Variants in PAFAH2 observed in about 807,000 individuals in gnomAD.
PAFAH2 encodes the protein platelet activating factor acetylhydrolase 2, also known as platelet-activating factor acetylhydrolase 2, cytoplasmic.
Under a neutral mutation model 49.0 loss-of-function variants are expected in PAFAH2, and 42 were observed. The ratio of observed to expected loss-of-function variants is 0.86; its 90% CI spans 0.67 to 1.11. The LOEUF is 1.11. Among genes scored for constraint, PAFAH2 ranks in the 50% least tolerant of loss-of-function variants. The probability of loss-of-function intolerance (pLI) is 0.00; values close to 1 mark genes in which losing one functional copy is unlikely to be tolerated. For synonymous variants in PAFAH2, 184 were observed against 181.3 expected (o/e 1.01, Z -0.12); for missense variants, 503 against 501.8 (o/e 1.00, Z -0.02).
chr1:25,997,477 G>C (rs924015330), intron 1 of PAFAH2: 1 of 152,218 alleles, frequency 6.6e-6, no homozygotes, highest in Non-Finnish European at 1.5e-5. Flanking sequence ...AGTCATCTCC[G>C]TTTTAGAGAG....
At chr1:25,969,149 T>C (rs531958011) in intron 10 of PAFAH2, among the ~76,000 whole-genome samples, 3 of 152,168 alleles carry the variant, frequency 2.0e-5, no homozygotes, top group Non-Finnish European at 4.4e-5. Context: ...CTTTCAACAA[T>C]TCACTCTCCT....
At chr1:25,965,932 CAAAAA>C (rs1444178547) in intron 10 of PAFAH2, among the ~76,000 whole-genome samples, 3 of 137,794 alleles carry the variant, frequency 2.2e-5, no homozygotes, top group African/African-American at 8.0e-5. Context: ...AAACTGGACT[CAAAAA>C]AAGAAAAAAG....
At chr1:25,964,389 C>G (rs1365333415) in intron 10 of PAFAH2, 2 of 152,056 alleles carry the variant, frequency 1.3e-5, no homozygotes, top group East Asian at 3.8e-4. Flanking sequence ...TTTCAGGATA[C>G]AAAGTTGGTG....
In PAFAH2 at chr1:25,989,441, C is replaced by A. The variant is rs751862119; in HGVS notation, c.244+7G>T. 1 of 1,589,488 alleles carries A rather than the reference C, an allele frequency of 6.3e-7. No individual in the cohort carries two copies. The highest frequency in any genetic ancestry group is 8.6e-7 in the Non-Finnish European group (1 of 1,167,760). On this transcript the variant is annotated splice_region_variant and intron_variant, in intron 3 of 10. Coordinates refer to ENST00000374282, the MANE Select transcript of PAFAH2 (RefSeq NM_000437.4). Reference sequence around the variant, plus strand: ...GGAAAGCATGCAGAGGTCAGGCCAGCCCTTACCCACCGCCAGGTTGAACAG... The same window carrying A: ...GGAAAGCATGCAGAGGTCAGGCCAGACCTTACCCACCGCCAGGTTGAACAG...
chr1:25,996,335 G>A (rs1342818339), intron 1 of PAFAH2, among the ~76,000 whole-genome samples: 1 of 152,106 alleles, frequency 6.6e-6, no homozygotes, highest in Non-Finnish European at 1.5e-5. Flanking sequence ...ACTGCACTTC[G>A]GCCTGGGTGA....
chr1:25,988,889 T>C (rs562118338), intron 3 of PAFAH2, among the ~76,000 whole-genome samples: 2 of 147,910 alleles, frequency 1.4e-5, no homozygotes, highest in African/African-American at 5.0e-5. Context: ...CGGGGTAAAC[T>C]GCTGAGATGC....
Position 25,960,177 on chromosome 1 carries a change from G to A in PAFAH2, c.*1812C>T, listed in dbSNP as rs1167210918. 1.3e-5 allele frequency: 2 copies of A among 152,212 alleles called. No homozygotes were observed. Among genetic ancestry groups the A allele is most frequent in the African/African-American group, 2.4e-5 (1 of 41,444 alleles). The allele number at this position is 152,212 out of a possible 1,614,324, so 9.4% of individuals were successfully genotyped here. Reference sequence around the variant, plus strand: ...ATACCCTTCTTATGCTATGTCTCATGGGAATTCAAAGATCCTCCCTCACAG... The same window carrying A: ...ATACCCTTCTTATGCTATGTCTCATAGGAATTCAAAGATCCTCCCTCACAG... On this transcript the variant is annotated 3_prime_UTR_variant, in exon 11 of 11. Transcript: ENST00000374282.
At chr1:25,994,142 C>CTTT (rs35480896) in intron 1 of PAFAH2, among the ~76,000 whole-genome samples, 9 of 135,296 alleles carry the variant, frequency 6.7e-5, no homozygotes, top group East Asian at 2.2e-4. Context: ...TGGTGCCTAG[C>CTTT]TTTTTTTTTT....
At chr1:25,970,899 C>T (rs993423855) in intron 10 of PAFAH2, among the ~76,000 whole-genome samples, 1 of 151,860 alleles carries the variant, frequency 6.6e-6, no homozygotes, top group African/African-American at 2.4e-5. Flanking sequence ...CAGGGCACTA[C>T]ACTTTAGAAG....
At chr1:25,984,750 A>G (rs911610749) in intron 4 of PAFAH2, among the ~76,000 whole-genome samples, 3 of 151,864 alleles carry the variant, frequency 2.0e-5, no homozygotes, top group African/African-American at 7.3e-5. Context: ...CCAATTTCCA[A>G]TTGATACAGG....
intron 1 of PAFAH2, among the ~76,000 whole-genome samples, chr1:25,993,923 G>T (rs959826703): frequency 6.6e-6 from 1 of 152,122 alleles, no homozygotes; most frequent in Admixed American, 6.6e-5. Flanking sequence ...GATGGGAAAG[G>T]CTCTTTCAAG....
At position 25,990,487 on chromosome 1, in the gene PAFAH2, T is replaced by C. The variant is rs74062628; in HGVS notation, c.90+240A>G. ...CTGCGAGCTGCCTCTAAAGCTAGAG[T>C]CCCCCCTTTCCTCCTAGGTGGAAAA... On this transcript the variant is annotated intron_variant, in intron 2 of 10. Coordinates refer to ENST00000374282, the MANE Select transcript of PAFAH2 (RefSeq NM_000437.4). Among the ~76,000 whole-genome samples, 342 of 151,916 alleles carry C rather than the reference T, an allele frequency of 2.3e-3. 1 individual carries two copies. Among genetic ancestry groups the C allele is most frequent in the African/African-American group, 8.0e-3 (333 of 41,408 alleles).
intron 10 of PAFAH2, among the ~76,000 whole-genome samples, chr1:25,967,749 G>T (rs2049448380): frequency 1.3e-5 from 2 of 152,222 alleles, no homozygotes; most frequent in African/African-American, 2.4e-5. Context: ...GAGTTTTGCT[G>T]TGATGGGGAA....
At chr1:25,967,485 T>C (rs1257153) in intron 10 of PAFAH2, among the ~76,000 whole-genome samples, 22,339 of 151,712 alleles carry the variant, frequency 0.15, 2,027 homozygotes, top group East Asian at 0.21. Context: ...AACATGGAGA[T>C]AGGGGGAAGT....
chr1:25,962,883 G>A (rs1018576473), intron 10 of PAFAH2, among the ~76,000 whole-genome samples: 1 of 151,934 alleles, frequency 6.6e-6, no homozygotes, highest in African/African-American at 2.4e-5. Flanking sequence ...GAGGTTACTA[G>A]GCAAAAAGCA....
At chr1:25,962,431 T>C (rs2049352873) in intron 10 of PAFAH2, among the ~76,000 whole-genome samples, 3 of 152,198 alleles carry the variant, frequency 2.0e-5, no homozygotes, top group Non-Finnish European at 4.4e-5. Flanking sequence ...CTAATCTTAT[T>C]ATGTAATTCA....
At chr1:25,990,076 G>C (rs2049850775) in intron 2 of PAFAH2, among the ~76,000 whole-genome samples, 1 of 152,012 alleles carries the variant, frequency 6.6e-6, no homozygotes, top group African/African-American at 2.4e-5. Context: ...CCTCTCAAGG[G>C]AGACAGGAAG....
intron 1 of PAFAH2, among the ~76,000 whole-genome samples, chr1:25,994,465 ATCTC>A (rs1417976315): frequency 1.3e-5 from 2 of 152,088 alleles, no homozygotes; most frequent in African/African-American, 4.8e-5. Flanking sequence ...AAGTTATCTG[ATCTC>A]TCTAAGCTTG....
intron 1 of PAFAH2, among the ~76,000 whole-genome samples, chr1:25,994,483 C>T (rs546502192): frequency 2.6e-5 from 4 of 152,226 alleles, no homozygotes; most frequent in Admixed American, 1.3e-4. Context: ...AAGCTTGATT[C>T]CCCATCTGTA....
Sources: allele counts gnomAD v4.1 joint callset (sites outside exome capture counted in the v4.1 genomes callset), GRCh38; gene constraint gnomAD v4.1.1; transcripts MANE v1.5; gene names NCBI Gene and HGNC (gene_info 2026-07-23, HGNC 2026-07-21).